The following NUP35 variants were observed in gnomAD, a reference collection of about 807,000 sequenced individuals.
NUP35 encodes nucleoporin 35, also known as nucleoporin NUP35.
In NUP35, 25 loss-of-function variants were observed where a neutral mutation model predicts 41.5. The observed-to-expected ratio is 0.60, with a 90% CI of 0.44 to 0.84. The LOEUF is 0.84. Among genes scored for constraint, NUP35 ranks in the 40% least tolerant of loss-of-function variants. NUP35 has a pLI of 0.00. For synonymous variants in NUP35, 149 were observed against 130.7 expected (o/e 1.14, Z -0.96); for missense variants, 396 against 396.6 (o/e 1.00, Z 0.01).
rs181270737 is a variant in NUP35, at chr2:183,131,175, G to A, written c.339+630G>A. On this transcript the variant is annotated intron_variant, in intron 3 of 8. Coordinates refer to ENST00000295119, the MANE Select transcript of NUP35 (RefSeq NM_138285.5). ...TTTTTTGTAGAGATGAGGTCTTGCCGGATTCAGGTGATCCTTGCACCTTGA... is the reference window on the plus strand; with the variant it reads ...TTTTTTGTAGAGATGAGGTCTTGCCAGATTCAGGTGATCCTTGCACCTTGA... 113 of 193,956 alleles carry A rather than the reference G, an allele frequency of 5.8e-4. 1 individual carries two copies. Among genetic ancestry groups the A allele is most frequent in the Middle Eastern group, 5.0e-3 (2 of 404 alleles). The allele number at this position is 193,956 out of a possible 1,614,324, so 12.0% of individuals were successfully genotyped here. A position where few individuals can be genotyped will look rare whatever the true frequency, so the allele number is the denominator to read the frequency against.
intron 5 of NUP35, among the ~76,000 whole-genome samples, chr2:183,153,414 A>G (rs556682241): frequency 1.7e-3 from 264 of 152,328 alleles, no homozygotes; most frequent in African/African-American, 6.3e-3. Context: ...TAAAATCAAA[A>G]GCAAGATAGT....
intron 4 of NUP35, among the ~76,000 whole-genome samples, chr2:183,146,569 A>G (rs1685284921): frequency 6.6e-6 from 1 of 151,968 alleles, no homozygotes; most frequent in South Asian, 2.1e-4. Context: ...TTCCCTCTGC[A>G]GCCTTATCAA....
chr2:183,126,281 G>C (rs1393846942), intron 1 of NUP35, among the ~76,000 whole-genome samples: 1 of 152,100 alleles, frequency 6.6e-6, no homozygotes, highest in Non-Finnish European at 1.5e-5. Context: ...CACCTGCCTC[G>C]GCCTCCCAAA....
At chr2:183,152,304 A>T (rs1685500178) in intron 5 of NUP35, among the ~76,000 whole-genome samples, 1 of 152,078 alleles carries the variant, frequency 6.6e-6, no homozygotes, top group African/African-American at 2.4e-5. Context: ...TTTTATTTCC[A>T]TAGGTTTTTG....
chr2:183,148,348 G>T (rs1685350314), intron 4 of NUP35, among the ~76,000 whole-genome samples: 1 of 152,120 alleles, frequency 6.6e-6, no homozygotes, highest in South Asian at 2.1e-4. Flanking sequence ...GGATTGAATG[G>T]TAGTTCTATT....
upstream of NUP35, chr2:183,124,242 C>T (rs976372282): frequency 7.9e-7 from 1 of 1,265,710 alleles, no homozygotes; most frequent in Non-Finnish European, 1.0e-6. Flanking sequence ...CGCTGGTTCG[C>T]CACCTTCCCG....
chr2:183,157,642 C>T (rs988370120), intron 6 of NUP35, 129 bp downstream of exon 6: 4 of 648,642 alleles, frequency 6.2e-6, no homozygotes, highest in Non-Finnish European at 1.1e-5. Flanking sequence ...TGATATAATA[C>T]ATCCTTTGAA....
At chr2:183,152,999 A>G (rs961693788) in intron 5 of NUP35, among the ~76,000 whole-genome samples, 2 of 152,220 alleles carry the variant, frequency 1.3e-5, no homozygotes, top group African/African-American at 2.4e-5. Context: ...CCTCAGAATC[A>G]TGGTGGGAGG....
chr2:183,125,901 G>A (rs908369573), intron 1 of NUP35, among the ~76,000 whole-genome samples: 7 of 152,226 alleles, frequency 4.6e-5, no homozygotes, highest in African/African-American at 1.4e-4. Flanking sequence ...TTGAGGACAT[G>A]CAGCATCTTT....
chr2:183,139,444 C>A (rs1369717815), intron 4 of NUP35, among the ~76,000 whole-genome samples: 1 of 152,082 alleles, frequency 6.6e-6, no homozygotes, highest in Non-Finnish European at 1.5e-5. Context: ...TGGTGGCCTC[C>A]ATACAATATG....
At chr2:183,156,170 C>G (rs182671385) in intron 5 of NUP35, among the ~76,000 whole-genome samples, 101 of 152,210 alleles carry the variant, frequency 6.6e-4, no homozygotes, top group African/African-American at 2.3e-3. Context: ...TAAGTACTTC[C>G]CTCACTTGCA....
intron 4 of NUP35, among the ~76,000 whole-genome samples, chr2:183,138,190 G>A (rs1351249455): frequency 6.9e-6 from 1 of 143,916 alleles, no homozygotes; most frequent in Non-Finnish European, 1.5e-5. Context: ...GCAAGAAATA[G>A]AAAAAGAGAA....
intron 1 of NUP35, among the ~76,000 whole-genome samples, chr2:183,128,028 G>A (rs1684558103): frequency 6.6e-6 from 1 of 151,474 alleles, no homozygotes; most frequent in Admixed American, 6.6e-5. Context: ...AGCTGAGATT[G>A]CGCCACTGCA....
chr2:183,139,353 T>A (rs1685002044), intron 4 of NUP35, among the ~76,000 whole-genome samples: 1 of 152,056 alleles, frequency 6.6e-6, no homozygotes, highest in Non-Finnish European at 1.5e-5. Flanking sequence ...ATTATAGGCA[T>A]GTGCCACCAT....
chr2:183,127,650 G>A (rs1434925961), intron 1 of NUP35, among the ~76,000 whole-genome samples: 1 of 152,210 alleles, frequency 6.6e-6, no homozygotes, highest in East Asian at 1.9e-4. Context: ...AGCTTTGTAT[G>A]TATAAGTAGT....
At chr2:183,126,688 C>G (rs1193386288) in intron 1 of NUP35, among the ~76,000 whole-genome samples, 1 of 150,572 alleles carries the variant, frequency 6.6e-6, no homozygotes, top group African/African-American at 2.4e-5. Flanking sequence ...ATATCTAGGC[C>G]TAATATAATG....
intron 5 of NUP35, among the ~76,000 whole-genome samples, chr2:183,156,529 C>CGGGGT (rs1164982551): frequency 6.6e-6 from 1 of 151,894 alleles, no homozygotes; most frequent in Non-Finnish European, 1.5e-5. Context: ...TTAGTAGAGG[C>CGGGGT]GGGGTTTCAC....
At chr2:183,130,317 TA>T in intron 2 of NUP35, 100 bp from the exon 3 acceptor site, 1 of 1,252,440 alleles carries the variant, frequency 8.0e-7, no homozygotes, top group Non-Finnish European at 1.1e-6. Context: ...TGAAAAGAAC[TA>T]ACAGACAAGA....
chr2:183,144,496 A>G (rs1371654811), intron 4 of NUP35, among the ~76,000 whole-genome samples: 1 of 152,136 alleles, frequency 6.6e-6, no homozygotes, highest in Non-Finnish European at 1.5e-5. Context: ...AAAATTTACT[A>G]GTCTTTTAAT....
Sources: allele counts gnomAD v4.1 joint callset (sites outside exome capture counted in the v4.1 genomes callset), GRCh38; gene constraint gnomAD v4.1.1; transcripts MANE v1.5; gene names NCBI Gene and HGNC (gene_info 2026-07-23, HGNC 2026-07-21).